The following SLCO1B1 variants were observed in gnomAD, a reference collection of about 807,000 sequenced individuals.
SLCO1B1 encodes the protein OATP-2.
SLCO1B1 carries 81 observed loss-of-function variants against 70.1 expected under a neutral mutation model. The observed-to-expected ratio is 1.16, with a 90% CI of 0.97 to 1.39. SLCO1B1 has a LOEUF of 1.39. Among genes scored for constraint, SLCO1B1 ranks in the 40% most tolerant of loss-of-function variants. The probability of loss-of-function intolerance (pLI) is 0.00; values close to 1 mark genes in which losing one functional copy is unlikely to be tolerated. For synonymous variants in SLCO1B1, 283 were observed against 271.5 expected (o/e 1.04, Z -0.42); for missense variants, 895 against 799.6 (o/e 1.12, Z -1.44).
intron 2 of SLCO1B1, among the ~76,000 whole-genome samples, chr12:21,162,729 T>C (rs1940636615): frequency 6.6e-6 from 1 of 152,216 alleles, no homozygotes; most frequent in African/African-American, 2.4e-5. Flanking sequence ...TAAATAACTT[T>C]GCATCTCTAA....
At chr12:21,237,052 G>A (rs1196044142) in intron 14 of SLCO1B1, among the ~76,000 whole-genome samples, 1 of 152,048 alleles carries the variant, frequency 6.6e-6, no homozygotes, top group Non-Finnish European at 1.5e-5. Context: ...GACCAATGTT[G>A]ATTATAATTT....
chr12:21,191,221 T>A (rs1214531452), intron 7 of SLCO1B1, among the ~76,000 whole-genome samples: 2 of 149,860 alleles, frequency 1.3e-5, no homozygotes, highest in African/African-American at 4.9e-5. Context: ...TTACATATAT[T>A]TGGGTAGTAT....
intron 9 of SLCO1B1, 43 bp downstream of exon 9, chr12:21,200,715 T>A (rs1435942128): frequency 6.6e-7 from 1 of 1,512,976 alleles, no homozygotes; most frequent in Admixed American, 1.7e-5. Context: ...AGTGAAATAA[T>A]ACTAAATACT....
intron 12 of SLCO1B1, among the ~76,000 whole-genome samples, chr12:21,219,910 C>T (rs1415054683): frequency 2.0e-5 from 3 of 152,222 alleles, no homozygotes; most frequent in South Asian, 2.1e-4. Flanking sequence ...TACAGGTGCA[C>T]GCCACCGTGC....
At chr12:21,160,144 C>T (rs1346972096) in intron 2 of SLCO1B1, among the ~76,000 whole-genome samples, 2 of 136,800 alleles carry the variant, frequency 1.5e-5, no homozygotes, top group Non-Finnish European at 3.2e-5. Flanking sequence ...GAAATTCATA[C>T]AGAACCAAAA....
chr12:21,226,023 T>C (rs999842685), intron 14 of SLCO1B1, among the ~76,000 whole-genome samples: 7 of 152,138 alleles, frequency 4.6e-5, no homozygotes, highest in Admixed American at 3.3e-4. Flanking sequence ...ATTCATACAA[T>C]AGAAAATTAT....
At chr12:21,207,781 T>A (rs1166491795) in intron 11 of SLCO1B1, among the ~76,000 whole-genome samples, 1 of 152,036 alleles carries the variant, frequency 6.6e-6, no homozygotes, top group Non-Finnish European at 1.5e-5. Flanking sequence ...GCATTCCCTT[T>A]CTTCTGCAGC....
chr12:21,146,731 T>C (rs1649830338), intron 2 of SLCO1B1, among the ~76,000 whole-genome samples: 1 of 152,182 alleles, frequency 6.6e-6, no homozygotes, highest in Admixed American at 6.5e-5. Flanking sequence ...TCTCCACATA[T>C]TTTGGTATTT....
chr12:21,211,027 C>T (rs1219016497), intron 11 of SLCO1B1, among the ~76,000 whole-genome samples: 1 of 152,204 alleles, frequency 6.6e-6, no homozygotes, highest in Non-Finnish European at 1.5e-5. Flanking sequence ...TTGACTTCCT[C>T]TTTTCCTAAT....
At chr12:21,188,734 T>G (rs956774361) in intron 7 of SLCO1B1, among the ~76,000 whole-genome samples, 29 of 152,146 alleles carry the variant, frequency 1.9e-4, no homozygotes, top group Admixed American at 1.7e-3. Context: ...CAGAACTGCA[T>G]AACTGAAACT....
chr12:21,232,908 A>T (rs1941556617), intron 14 of SLCO1B1, among the ~76,000 whole-genome samples: 1 of 152,140 alleles, frequency 6.6e-6, no homozygotes, highest in African/African-American at 2.4e-5. Flanking sequence ...TTGGGGGCCA[A>T]GCCACTTTAC....
chr12:21,214,315 C>T (rs1364943141), intron 11 of SLCO1B1, among the ~76,000 whole-genome samples: 1 of 151,158 alleles, frequency 6.6e-6, no homozygotes, highest in African/African-American at 2.5e-5. Context: ...GTTGGAATAC[C>T]CTGCCGTGTG....
chr12:21,197,079 A>C lies in SLCO1B1; in HGVS notation c.861A>C (p.Gln287His). ...FFLPQTPNKP[Q>H]KERKASLSLH... ...TGCCCCAAACTCCAAATAAACCACA[A>C]AAAGAAAGAAAAGCTTCACTGTCTT... Residue 287 changes from glutamine (Q) to histidine (H), a missense_variant, in exon 8 of 15, where the codon CAA (glutamine) becomes CAC (histidine). Gln to His is a conservative substitution (Grantham distance 24). Transcript: ENST00000256958. The C allele has an allele frequency of 2.5e-6, 4 of 1,613,804 alleles. No individual in the cohort carries two copies. In the South Asian group the frequency reaches 3.3e-5, roughly 13 times the overall value.
intron 12 of SLCO1B1, among the ~76,000 whole-genome samples, chr12:21,219,115 G>C (rs1941393469): frequency 6.6e-6 from 1 of 152,140 alleles, no homozygotes; most frequent in South Asian, 2.1e-4. Context: ...AATGTGTGTA[G>C]CAGAAAACAC....
chr12:21,171,732 C>G (rs577386790), intron 2 of SLCO1B1, among the ~76,000 whole-genome samples: 48 of 152,180 alleles, frequency 3.2e-4, no homozygotes, highest in African/African-American at 1.1e-3. Context: ...TTTCCGGAGG[C>G]TGAGAATTCT....
intron 10 of SLCO1B1, among the ~76,000 whole-genome samples, chr12:21,203,524 G>C (rs1404934345): frequency 6.6e-6 from 1 of 151,996 alleles, no homozygotes; most frequent in African/African-American, 2.4e-5. Flanking sequence ...TACTGGTGCT[G>C]AGCTTTCAAA....
intron 11 of SLCO1B1, among the ~76,000 whole-genome samples, chr12:21,214,804 CG>C (rs1941338255): frequency 6.6e-6 from 1 of 152,140 alleles, no homozygotes; most frequent in African/African-American, 2.4e-5. Flanking sequence ...GCGCAGTATT[CG>C]GGTGGGAGTG....
intron 7 of SLCO1B1, among the ~76,000 whole-genome samples, chr12:21,189,262 G>A (rs915271466): frequency 6.6e-6 from 1 of 151,952 alleles, no homozygotes; most frequent in Admixed American, 6.6e-5. Context: ...CCACATTCTT[G>A]CAAACACTTT....
At chr12:21,212,797 T>C (rs985386842) in intron 11 of SLCO1B1, among the ~76,000 whole-genome samples, 60 of 150,278 alleles carry the variant, frequency 4.0e-4, no homozygotes, top group African/African-American at 1.4e-3. Context: ...CTTGTTGAAT[T>C]GATCCCTTTA....
Sources: gnomAD v4.1 joint callset for allele counts (sites outside exome capture counted in the v4.1 genomes callset) on GRCh38, gnomAD v4.1.1 for gene constraint, MANE v1.5 for transcripts, NCBI Gene and HGNC (gene_info 2026-07-23, HGNC 2026-07-21) for gene names.